SORL1: variants seen among roughly 807,000 people sequenced by gnomAD.
The protein encoded by SORL1 is sortilin related receptor 1.
SORL1 carries 127 observed loss-of-function variants against 273.7 expected under a neutral mutation model. The ratio of observed to expected loss-of-function variants is 0.46; its 90% CI spans 0.40 to 0.54. SORL1 has a LOEUF of 0.54. Ranked by LOEUF, SORL1 falls within the 20% of genes least tolerant of loss-of-function variation. SORL1 has a pLI of 0.00. For synonymous variants in SORL1, 1,031 were observed against 1,067.4 expected (o/e 0.97, Z 0.66); for missense variants, 2,494 against 2,846.1 (o/e 0.88, Z 2.81).
chr11:121,586,125 CAGT>C, intron 26 of SORL1, 94 bp from the exon 27 acceptor site: 1 of 917,072 alleles, frequency 1.1e-6, no homozygotes, highest in Non-Finnish European at 1.8e-6. Flanking sequence ...TTGCCCTCCC[CAGT>C]GGTGGTACCA....
chr11:121,541,969 G>A (rs1308518366), intron 12 of SORL1, among the ~76,000 whole-genome samples: 1 of 152,150 alleles, frequency 6.6e-6, no homozygotes, highest in African/African-American at 2.4e-5. Flanking sequence ...AAGACCACGG[G>A]AAAGTTGGAA....
At chr11:121,586,701 G>T (rs145686291) in intron 27 of SORL1, among the ~76,000 whole-genome samples, 3 of 11,106 alleles carry the variant, frequency 2.7e-4, no homozygotes, top group Admixed American at 1.9e-3. Context: ...AGTGGGGGGG[G>T]GGGCGGGGGG....
At chr11:121,575,275 A>G (rs1423500793) in intron 24 of SORL1, among the ~76,000 whole-genome samples, 1 of 152,202 alleles carries the variant, frequency 6.6e-6, no homozygotes, top group African/African-American at 2.4e-5. Context: ...TGTCAGTTTC[A>G]TGAGACCCAT....
At chr11:121,514,718 G>A (rs936661606) in intron 8 of SORL1, among the ~76,000 whole-genome samples, 1 of 152,162 alleles carries the variant, frequency 6.6e-6, no homozygotes, top group Non-Finnish European at 1.5e-5. Flanking sequence ...CAGTGGATCA[G>A]GTTAATTGAT....
intron 5 of SORL1, among the ~76,000 whole-genome samples, chr11:121,490,904 A>G (rs1160547060): frequency 6.6e-6 from 1 of 152,240 alleles, no homozygotes; most frequent in African/African-American, 2.4e-5. Flanking sequence ...CGTAACACAC[A>G]TTGTGAAAGA....
In SORL1 at chr11:121,488,079, C is replaced by T; in HGVS notation, c.576C>T (p.Asp192=). Residue 192 remains aspartate, a synonymous_variant, in exon 4 of 48, where the codon GAC becomes GAT. Coordinates refer to ENST00000260197, the MANE Select transcript of SORL1 (RefSeq NM_003105.6). The part of the protein sequence containing the change: ...AYAQYLWITF[D]FCNTLQGFSI... ...CCCAGTACCTCTGGATCACGTTTGACTTCTGCAACACTCTTCAAGGCTTTT... is the reference window on the plus strand; with the variant it reads ...CCCAGTACCTCTGGATCACGTTTGATTTCTGCAACACTCTTCAAGGCTTTT... The T allele has an allele frequency of 6.2e-7, 1 of 1,614,188 alleles. No individual in the cohort carries two copies. Among genetic ancestry groups the T allele is most frequent in the Non-Finnish European group, 8.5e-7 (1 of 1,180,024 alleles).
Position 121,513,078 on chromosome 11 carries a change from C to T in SORL1, c.1015C>T (p.Gln339Ter). The change falls in exon 7 of 48, where the codon CAG becomes TAG. Residue 339 changes from glutamine to a stop codon, truncating the protein, a stop_gained. Transcript: ENST00000260197. LOFTEE classifies it high-confidence loss of function. ...SFGRKPMRAA[Q>*]FVTRHPINEY... ...TGGCCGGAAGCCCATGAGAGCAGCC[C>T]AGTTTGTCACAAGACATCCTATTAA... The T allele has an allele frequency of 1.2e-6, 2 of 1,613,688 alleles. No homozygotes were observed. Among genetic ancestry groups the T allele is most frequent in the Non-Finnish European group, 1.7e-6 (2 of 1,179,568 alleles).
intron 8 of SORL1, among the ~76,000 whole-genome samples, chr11:121,519,442 C>G (rs887796798): frequency 2.0e-5 from 3 of 151,132 alleles, no homozygotes; most frequent in Non-Finnish European, 4.4e-5. Flanking sequence ...GAGTCTCGCT[C>G]TGTCGCCCAG....
chr11:121,526,523 C>G (rs558268787), intron 11 of SORL1, among the ~76,000 whole-genome samples: 89 of 152,060 alleles, frequency 5.9e-4, no homozygotes, highest in African/African-American at 2.0e-3. Context: ...TTATAATTGC[C>G]TTGAATTTAT....
intron 12 of SORL1, among the ~76,000 whole-genome samples, chr11:121,542,098 T>G (rs992443470): frequency 1.2e-4 from 18 of 152,216 alleles, no homozygotes; most frequent in Non-Finnish European, 2.5e-4. Context: ...CATCCATTAT[T>G]TTTTAGCTGA....
chr11:121,473,894 C>CAA (rs369639193), intron 2 of SORL1, among the ~76,000 whole-genome samples: 1 of 137,100 alleles, frequency 7.3e-6, no homozygotes, highest in South Asian at 2.3e-4. Flanking sequence ...GACCCTGTCT[C>CAA]AAAAAAAAAA....
chr11:121,564,485 A>G (rs547570775), intron 21 of SORL1, among the ~76,000 whole-genome samples: 10 of 152,194 alleles, frequency 6.6e-5, no homozygotes, highest in Non-Finnish European at 1.2e-4. Flanking sequence ...TTTGCTCTGC[A>G]TATGAAAAGG....
rs1192767150 is a variant in SORL1, at chr11:121,630,131, G to A, written c.*568G>A. Reference sequence around the variant, plus strand: ...ATGAGCCCCTTACCCATAGGGTTGGGGGTGGGAAGAGAAGCATATTTTTTT... The same window carrying A: ...ATGAGCCCCTTACCCATAGGGTTGGAGGTGGGAAGAGAAGCATATTTTTTT... On this transcript the variant is annotated 3_prime_UTR_variant, in exon 48 of 48. Coordinates refer to ENST00000260197, the MANE Select transcript of SORL1 (RefSeq NM_003105.6). The A allele has an allele frequency of 6.5e-6, 1 of 152,922 alleles. No homozygotes were observed. The highest frequency in any genetic ancestry group is 1.5e-5 in the Non-Finnish European group (1 of 68,572). 9.5% of individuals were successfully genotyped at this position (152,922 alleles called of 1,614,324 possible).
chr11:121,453,999 T>A (rs779471936), intron 1 of SORL1, among the ~76,000 whole-genome samples: 8 of 152,250 alleles, frequency 5.3e-5, no homozygotes, highest in Admixed American at 1.3e-4. Flanking sequence ...TGGGCAAGAA[T>A]GTGTGCCCCA....
Position 121,586,384 on chromosome 11 carries a change from G to A in SORL1, c.3814+55G>A, listed in dbSNP as rs1030119919. ...CTCAGGCCTAGTGATTATGAGTGAA[G>A]AGCGTATATTGGACTAAATCCTTTC... is the stretch of plus-strand genomic sequence containing the variant. On this transcript the variant is annotated intron_variant, in intron 27 of 47. Transcript: ENST00000260197. The A allele has an allele frequency of 8.5e-6, 11 of 1,293,562 alleles. 1 individual carries two copies. The Admixed American group carries it at 1.8e-4, about 22-fold the overall frequency. The allele number at this position is 1,293,562 out of a possible 1,614,324, so 80.1% of individuals were successfully genotyped here.
Position 121,554,231 on chromosome 11 carries a change from A to C in SORL1, c.2439+122A>C. 2 of 793,278 alleles carry C rather than the reference A, an allele frequency of 2.5e-6. No homozygotes were observed. The highest frequency in any genetic ancestry group is 2.0e-6 in the Non-Finnish European group (1 of 502,526). The allele number at this position is 793,278 out of a possible 1,614,324, so 49.1% of individuals were successfully genotyped here. On this transcript the variant is annotated intron_variant, in intron 17 of 47. Coordinates refer to ENST00000260197, the MANE Select transcript of SORL1 (RefSeq NM_003105.6). This position sits in a 1 kb window ranked among gnomAD's most constrained non-coding sequence, Gnocchi z 4.6. ...GAAGTTTGTAAGTGTTACTCATCTCAGGGCTGACAGGTGAAAGTTTCCAGT... is the reference window on the plus strand; with the variant it reads ...GAAGTTTGTAAGTGTTACTCATCTCCGGGCTGACAGGTGAAAGTTTCCAGT...
chr11:121,527,173 C>A (rs1862135911), intron 11 of SORL1, among the ~76,000 whole-genome samples: 1 of 144,238 alleles, frequency 6.9e-6, no homozygotes, highest in African/African-American at 2.6e-5. Context: ...TTGGGAAGCT[C>A]CCTATTATCA....
intron 11 of SORL1, among the ~76,000 whole-genome samples, chr11:121,528,035 A>T (rs1862147829): frequency 6.6e-6 from 1 of 151,436 alleles, no homozygotes; most frequent in Non-Finnish European, 1.5e-5. Context: ...ACCTTGGGTT[A>T]TTGATTTTAT....
chr11:121,604,730 G>A (rs1161893467), intron 33 of SORL1, among the ~76,000 whole-genome samples: 2 of 152,138 alleles, frequency 1.3e-5, no homozygotes, highest in African/African-American at 4.8e-5. Flanking sequence ...ATTGTCATAG[G>A]CAGGAGGAAG....
Sources: gnomAD v4.1 joint callset for allele counts (sites outside exome capture counted in the v4.1 genomes callset) on GRCh38, gnomAD v4.1.1 for gene constraint, Gnocchi (gnomAD v3.1) non-coding constraint, MANE v1.5 for transcripts, NCBI Gene and HGNC (gene_info 2026-07-23, HGNC 2026-07-21) for gene names.